Variants in BOC observed in about 807,000 individuals in gnomAD.
The protein encoded by BOC is BOC cell adhesion associated, oncogene regulated.
A neutral mutation model predicts 112.0 loss-of-function variants in BOC; 76 were observed. That is an observed-to-expected ratio of 0.68 (90% CI 0.56 to 0.82). BOC has a LOEUF of 0.82. BOC is among the 40% of genes least tolerant of loss of function. The pLI is 0.00. For missense variants in BOC, 1,309 were observed against 1,511.7 expected (o/e 0.87, Z 2.22); for synonymous variants, 580 against 599.8 (o/e 0.97, Z 0.48).
chr3:113,285,943 T>A (rs764401507), intron 19 of BOC, among the ~76,000 whole-genome samples: 72 of 152,238 alleles, frequency 4.7e-4, no homozygotes, highest in Non-Finnish European at 8.4e-4. Context: ...AATGCCTTGC[T>A]TTGTTGAGGC....
intron 2 of BOC, among the ~76,000 whole-genome samples, chr3:113,233,148 G>GGGGTGTGTGTGTGTGTGTGT (rs75678874): frequency 8.1e-6 from 1 of 123,960 alleles, no homozygotes; most frequent in African/African-American, 3.1e-5. Context: ...AAAGGATTGG[G>GGGGTGTGTGTGTGTGTGTGT]GTGTGTGTGT....
chr3:113,243,004 T>G (rs910057717), intron 2 of BOC, among the ~76,000 whole-genome samples: 1 of 152,220 alleles, frequency 6.6e-6, no homozygotes, highest in Non-Finnish European at 1.5e-5. Flanking sequence ...GGTCTGTACA[T>G]GAGGTTGTCA....
chr3:113,250,774 G>C lies in BOC; in HGVS notation c.317G>C (p.Cys106Ser). ...LNNHTVGRYQ[C>S]VARMPAGAVA... is the part of the protein sequence containing the mutation. ...AACCACACTGTGGGACGGTACCAGTGTGTGGCCCGGATGCCTGCGGGGGCT... is the reference window on the plus strand; with the variant it reads ...AACCACACTGTGGGACGGTACCAGTCTGTGGCCCGGATGCCTGCGGGGGCT... The change falls in exon 4 of 20, where the codon TGT becomes TCT. Residue 106 changes from cysteine to serine, a missense_variant. By Grantham distance (112) the Cys-to-Ser change is moderately radical (BLOSUM62 -1). Transcript: ENST00000682979. The C allele has an allele frequency of 5.0e-6, 8 of 1,614,162 alleles. No homozygotes were observed. Among genetic ancestry groups the C allele is most frequent in the Non-Finnish European group, 6.8e-6 (8 of 1,180,028 alleles).
At position 113,278,886 on chromosome 3, in the gene BOC, T is replaced by G. The variant is rs1323671663; in HGVS notation, c.1816+103T>G. ...GGTCTTGCTTCTGTAGGTCCAGGGT[T>G]TTTATGACATCTCCCAGTTAACCAC... is the stretch of plus-strand genomic sequence containing the variant. On this transcript the variant is annotated intron_variant, in intron 11 of 19. Transcript: ENST00000682979. The surrounding 1 kb of genome is among the most constrained non-coding windows in gnomAD (Gnocchi z 4.2). 5.4e-6 allele frequency: 5 copies of G among 934,232 alleles called. No individual in the cohort carries two copies. Among genetic ancestry groups the G allele is most frequent in the Non-Finnish European group, 8.1e-6 (5 of 614,546 alleles). 57.9% of individuals were successfully genotyped at this position (934,232 alleles called of 1,614,324 possible). A position where few individuals can be genotyped will look rare whatever the true frequency, so the allele number is the denominator to read the frequency against.
At chr3:113,239,524 C>T (rs566339490) in intron 2 of BOC, among the ~76,000 whole-genome samples, 11 of 152,342 alleles carry the variant, frequency 7.2e-5, no homozygotes, top group Non-Finnish European at 1.3e-4. Flanking sequence ...TCCCTGCCTT[C>T]CTTATGAGTT....
At chr3:113,266,387 T>C (rs1453058736) in intron 4 of BOC, among the ~76,000 whole-genome samples, 2 of 152,244 alleles carry the variant, frequency 1.3e-5, no homozygotes, top group Non-Finnish European at 2.9e-5. Flanking sequence ...AGCACATTTA[T>C]TAGACCCATT....
intron 7 of BOC, 121 bp from the exon 8 acceptor site, chr3:113,272,948 C>T: frequency 7.6e-7 from 1 of 1,308,012 alleles, no homozygotes; most frequent in South Asian, 1.4e-5. Context: ...CTACTCTGCC[C>T]ATTAGGAAAA....
chr3:113,280,685 A>G, intron 14 of BOC, 22 bp downstream of exon 14: 1 of 1,542,894 alleles, frequency 6.5e-7, no homozygotes, highest in Non-Finnish European at 9.0e-7. Flanking sequence ...TTCTGTGTTT[A>G]TAGCTTCTGC....
intron 2 of BOC, among the ~76,000 whole-genome samples, chr3:113,240,927 G>A (rs896255390): frequency 1.3e-5 from 2 of 152,136 alleles, no homozygotes; most frequent in African/African-American, 2.4e-5. Context: ...GCAAAGAGGC[G>A]CCTAATGCCC....
chr3:113,255,682 G>A (rs918229403), intron 4 of BOC, among the ~76,000 whole-genome samples: 5 of 152,040 alleles, frequency 3.3e-5, no homozygotes, highest in African/African-American at 7.2e-5. Context: ...GCCTCCTAGC[G>A]CCAAGGCCAG....
At chr3:113,247,664 G>C (rs73235142) in intron 2 of BOC, among the ~76,000 whole-genome samples, 39,337 of 151,984 alleles carry the variant, frequency 0.26, 5,627 homozygotes, top group East Asian at 0.46. Context: ...GGATATAGTC[G>C]TCACCTTGCA....
In BOC at chr3:113,285,674, C is replaced by T. The variant is rs1490942798; in HGVS notation, c.3160+109C>T. 15 of 1,126,430 alleles carry T rather than the reference C, an allele frequency of 1.3e-5. No individual in the cohort carries two copies. The East Asian group carries it at 3.3e-4, about 25-fold the overall frequency. 69.8% of individuals were successfully genotyped at this position (1,126,430 alleles called of 1,614,324 possible). A position where few individuals can be genotyped will look rare whatever the true frequency, so the allele number is the denominator to read the frequency against. On this transcript the variant is annotated intron_variant, in intron 19 of 19. Transcript: ENST00000682979. The stretch of plus-strand genomic sequence containing the variant: ...TCAAAGGTGGGGCTTGGTAAGGAGC[C>T]AGCCACAGCATTTATGTGGGAGGGA...
At position 113,280,486 on chromosome 3, in the gene BOC, T is replaced by C. The variant is rs557738096; in HGVS notation, c.2206-72T>C. On this transcript the variant is annotated intron_variant, in intron 13 of 19. Transcript: ENST00000682979. The stretch of plus-strand genomic sequence containing the variant: ...ACTCTGGACTGGGGTAGAACCTTCA[T>C]ACACCAGTGGTTTTGCTTTGATGAT... 4 of 1,086,148 alleles carry C rather than the reference T, an allele frequency of 3.7e-6. No homozygotes were observed. The South Asian group carries it at 5.1e-5, about 14-fold the overall frequency. The allele number at this position is 1,086,148 out of a possible 1,614,324, so 67.3% of individuals were successfully genotyped here. A position where few individuals can be genotyped will look rare whatever the true frequency, so the allele number is the denominator to read the frequency against.
At chr3:113,251,647 C>CAA (rs1245616829) in intron 4 of BOC, 1 of 152,032 alleles carries the variant, frequency 6.6e-6, no homozygotes, top group Non-Finnish European at 1.5e-5. Flanking sequence ...TATTATGTGA[C>CAA]AAAGAACATA....
Position 113,278,822 on chromosome 3 carries a change from C to A in BOC, c.1816+39C>A, listed in dbSNP as rs1451559510. 6.6e-7 allele frequency: 1 copy of A among 1,523,984 alleles called. No individual in the cohort carries two copies. Among genetic ancestry groups the A allele is most frequent in the Admixed American group, 2.0e-5 (1 of 50,952 alleles). The allele number at this position is 1,523,984 out of a possible 1,614,324, so 94.4% of individuals were successfully genotyped here. On this transcript the variant is annotated intron_variant, in intron 11 of 19. Coordinates refer to ENST00000682979, the MANE Select transcript of BOC (RefSeq NM_001378074.1). The surrounding 1 kb of genome is among the most constrained non-coding windows in gnomAD (Gnocchi z 4.2). ...AGCAGGGACGGACGCGCAGTCAGGA[C>A]TGGAACTGCCTCAGAGGCCTGTTCC...
Position 113,278,530 on chromosome 3 carries a change from G to A in BOC, c.1706-143G>A. The A allele has an allele frequency of 3.7e-6, 3 of 803,590 alleles. No individual in the cohort carries two copies. Among genetic ancestry groups the A allele is most frequent in the Non-Finnish European group, 6.0e-6 (3 of 497,220 alleles). 49.8% of individuals were successfully genotyped at this position (803,590 alleles called of 1,614,324 possible). A position where few individuals can be genotyped will look rare whatever the true frequency, so the allele number is the denominator to read the frequency against. ...AACAGAACCAGTCTCGGCCGAGGCT[G>A]AGCCCACACCCTCAGTGCCCCGGAT... On this transcript the variant is annotated intron_variant, in intron 10 of 19. Transcript: ENST00000682979. This position sits in a 1 kb window ranked among gnomAD's most constrained non-coding sequence, Gnocchi z 4.2.
chr3:113,260,602 G>A (rs1428575069), intron 4 of BOC, among the ~76,000 whole-genome samples: 3 of 151,240 alleles, frequency 2.0e-5, no homozygotes, highest in Non-Finnish European at 4.4e-5. Flanking sequence ...GGACCAGCAA[G>A]CATTACCATC....
At position 113,231,804 on chromosome 3, in the gene BOC, C is replaced by T. The variant is rs563635766; in HGVS notation, c.-82+15530C>T. On this transcript the variant is annotated intron_variant, in intron 2 of 19. Coordinates refer to ENST00000682979, the MANE Select transcript of BOC (RefSeq NM_001378074.1). ...ATCCCCACCCCTCTGCCACTGTAAC[C>T]TTGTGAGATAGGCAGGAAAAGAGCT... 3.9e-5 allele frequency among the ~76,000 whole-genome samples: 6 copies of T among 152,140 alleles called. No homozygotes were observed. The South Asian group carries it at 1.2e-3, about 32-fold the overall frequency.
At chr3:113,250,988 T>C in intron 4 of BOC, 155 bp downstream of exon 4, 2 of 934,406 alleles carry the variant, frequency 2.1e-6, no homozygotes, top group East Asian at 2.6e-5. Flanking sequence ...TGCCTAGTAA[T>C]GCCCAGTGAT....
Sources: gnomAD v4.1 joint callset for allele counts (sites outside exome capture counted in the v4.1 genomes callset) on GRCh38, gnomAD v4.1.1 for gene constraint, Gnocchi (gnomAD v3.1) non-coding constraint, MANE v1.5 for transcripts, NCBI Gene and HGNC (gene_info 2026-07-23, HGNC 2026-07-21) for gene names.